Variants in DCDC1 observed in about 807,000 individuals in gnomAD.
The protein encoded by DCDC1 is doublecortin domain-containing protein 1.
In DCDC1, 200 loss-of-function variants were observed where a neutral mutation model predicts 178.3. The ratio of observed to expected loss-of-function variants is 1.12; its 90% confidence interval spans 1.00 to 1.26. The LOEUF is 1.26. Among genes scored for constraint, DCDC1 ranks in the 50% most tolerant of loss-of-function variants. The probability of loss-of-function intolerance (pLI) is 0.00; values close to 1 mark genes in which losing one functional copy is unlikely to be tolerated. For missense variants in DCDC1, 1,983 were observed against 1,749.2 expected, an observed-to-expected ratio of 1.13 and a Z score of -2.38; for synonymous variants, 690 against 604.8, an observed-to-expected ratio of 1.14 and a Z score of -2.07.
At chr11:30,919,710 G>C (rs1031822208) in intron 25 of DCDC1, among the ~76,000 whole-genome samples, 3 of 152,058 alleles carry the variant, frequency 2.0e-5, no homozygotes, top group South Asian at 2.1e-4. Context: ...GAGGAAGTTT[G>C]GTTCCTAAAA....
intron 9 of DCDC1, among the ~76,000 whole-genome samples, chr11:31,157,650 C>T (rs1965867745): frequency 6.6e-6 from 1 of 151,786 alleles, no homozygotes; most frequent in Admixed American, 6.6e-5. Context: ...TCATAAAAAA[C>T]AGGAAGCAGA....
At chr11:31,196,409 C>T (rs1050960250) in intron 9 of DCDC1, among the ~76,000 whole-genome samples, 26 of 152,062 alleles carry the variant, frequency 1.7e-4, no homozygotes, top group Non-Finnish European at 2.9e-4. Context: ...ATCCACCCCC[C>T]GACCAATTCT....
At chr11:31,353,304 C>A (rs1258208083) in intron 1 of DCDC1, among the ~76,000 whole-genome samples, 1 of 152,194 alleles carries the variant, frequency 6.6e-6, no homozygotes, top group East Asian at 1.9e-4. Flanking sequence ...AGCTAACTAG[C>A]AGCATAGCCT....
At chr11:31,269,314 C>T (rs1418810686) in intron 7 of DCDC1, among the ~76,000 whole-genome samples, 1 of 152,074 alleles carries the variant, frequency 6.6e-6, no homozygotes, top group African/African-American at 2.4e-5. Context: ...ATTAAAATAG[C>T]ATTTCCACTA....
At chr11:31,348,675 G>A (rs1344732879) in intron 1 of DCDC1, among the ~76,000 whole-genome samples, 1 of 152,138 alleles carries the variant, frequency 6.6e-6, no homozygotes, top group Non-Finnish European at 1.5e-5. Flanking sequence ...TGTCAAAGTA[G>A]ATAATGACTG....
intron 20 of DCDC1, among the ~76,000 whole-genome samples, chr11:31,006,778 A>C (rs1169876591): frequency 6.6e-6 from 1 of 152,232 alleles, no homozygotes; most frequent in Non-Finnish European, 1.5e-5. Context: ...CTAAATAAAA[A>C]TCAACCACAT....
At chr11:31,363,783 A>T (rs1025400578) in intron 1 of DCDC1, among the ~76,000 whole-genome samples, 2 of 152,188 alleles carry the variant, frequency 1.3e-5, no homozygotes, top group Non-Finnish European at 2.9e-5. Context: ...GACAAAAATA[A>T]ACTTTTCGAA....
rs55719241 is a variant in DCDC1 at position 30,881,290 on chromosome 11, A to G, written c.5101T>C (p.Ser1701Pro). 3,254 of 1,613,262 alleles carry G rather than the reference A, an allele frequency of 2.0e-3. 66 individuals are homozygous for G. In the African/African-American group the frequency reaches 0.036, roughly 18 times the overall value. The change falls in exon 37 of 39, where the codon TCT (serine) becomes CCT (proline). Residue 1701 changes from serine (S) to proline (P), a missense_variant. Physicochemically the swap from Ser to Pro is moderately conservative, Grantham distance 74. Coordinates refer to ENST00000684477, the MANE Select transcript of DCDC1 (RefSeq NM_001387274.1). ...GCTGGGTGGGTCATTTTGAGACGAG[A>G]GGAGCAGTCTTGCAGCAGCTGAGAC... is the stretch of plus-strand genomic sequence containing the variant. ...TISELLQDCS[S>P]RLKMTHPARA...
In DCDC1 at chr11:31,104,361, C is replaced by T. The variant is rs557361354; in HGVS notation, c.1752-592G>A. 1.1e-4 allele frequency among the ~76,000 whole-genome samples: 16 copies of T among 152,136 alleles called. No individual in the cohort carries two copies. In the East Asian group the frequency reaches 2.3e-3, roughly 22 times the overall value. ...ATTTATCTCTAGAATTAAAAATCAA[C>T]GACATCACCTCTGCAGTCTTGTTGC... On this transcript the variant is annotated intron_variant, in intron 13 of 38. Coordinates refer to ENST00000684477, the MANE Select transcript of DCDC1 (RefSeq NM_001387274.1).
chr11:30,934,465 T>C (rs1178283546), intron 21 of DCDC1, among the ~76,000 whole-genome samples: 2 of 152,176 alleles, frequency 1.3e-5, no homozygotes, highest in Non-Finnish European at 2.9e-5. Flanking sequence ...TTGCCATTGC[T>C]TGACTAACCA....
chr11:31,038,057 C>T (rs966549063), intron 20 of DCDC1, among the ~76,000 whole-genome samples: 4 of 95,038 alleles, frequency 4.2e-5, no homozygotes, highest in Admixed American at 3.3e-4. Flanking sequence ...GGGAACATCA[C>T]GCACTGGGGC....
At chr11:31,057,292 GGAAA>G (rs1471542903) in intron 20 of DCDC1, among the ~76,000 whole-genome samples, 16 of 147,734 alleles carry the variant, frequency 1.1e-4, no homozygotes, top group Middle Eastern at 3.4e-3. Flanking sequence ...AGGGAGGGAA[GGAAA>G]GAAAGAAAGA....
intron 9 of DCDC1, among the ~76,000 whole-genome samples, chr11:31,213,100 C>CCTCTCTCCCT (rs1972855028): frequency 2.3e-5 from 1 of 44,242 alleles, no homozygotes; most frequent in Admixed American, 2.6e-4. Context: ...TAAAGCCCAG[C>CCTCTCTCCCT]CTCTCTCTCT....
At chr11:31,182,262 G>A (rs1469374352) in intron 9 of DCDC1, among the ~76,000 whole-genome samples, 5 of 152,122 alleles carry the variant, frequency 3.3e-5, no homozygotes, top group Non-Finnish European at 5.9e-5. Flanking sequence ...GATACTCCTC[G>A]AGAAGAGCAA....
intron 8 of DCDC1, chr11:31,263,135 A>G (rs1322925861): frequency 2.6e-6 from 4 of 1,550,474 alleles, no homozygotes; most frequent in African/African-American, 1.4e-5. Context: ...CTTTCTAAAT[A>G]TAAATCTTTC....
intron 18 of DCDC1, among the ~76,000 whole-genome samples, chr11:31,074,594 A>AT (rs1169430821): frequency 6.6e-6 from 1 of 152,166 alleles, no homozygotes. Context: ...ACTTATTGGC[A>AT]TTTTGGTCTT....
intron 38 of DCDC1, among the ~76,000 whole-genome samples, chr11:30,875,409 G>A (rs673227): frequency 0.011 from 1,748 of 152,276 alleles, 30 homozygotes; most frequent in African/African-American, 0.04. Flanking sequence ...AGTCACCACT[G>A]AGTCTAAATT....
At chr11:30,922,476 A>T (rs1266863803) in intron 24 of DCDC1, 27 bp downstream of exon 24, 3 of 1,486,488 alleles carry the variant, frequency 2.0e-6, no homozygotes, top group Non-Finnish European at 2.7e-6. Context: ...GGCTGAATAT[A>T]TTAAGGTAAA....
At chr11:30,906,803 T>C in intron 29 of DCDC1, 78 bp from the exon 30 acceptor site, 5 of 1,304,910 alleles carry the variant, frequency 3.8e-6, no homozygotes, top group Non-Finnish European at 5.1e-6. Flanking sequence ...TTTTACAATA[T>C]AAATATAGCA....
Sources: allele counts gnomAD v4.1 joint callset (sites outside exome capture counted in the v4.1 genomes callset), GRCh38; gene constraint gnomAD v4.1.1; transcripts MANE v1.5; gene names NCBI Gene and HGNC (gene_info 2026-07-23, HGNC 2026-07-21).